Variants in ROR1 observed in about 807,000 individuals in gnomAD.
ROR1 encodes the protein inactive tyrosine-protein kinase transmembrane receptor ROR1.
Under a neutral mutation model 78.8 loss-of-function variants are expected in ROR1, and 19 were observed. The ratio of observed to expected loss-of-function variants is 0.24; its 90% CI spans 0.17 to 0.35. ROR1 has a LOEUF of 0.35. Among genes scored for constraint, ROR1 ranks in the 10% least tolerant of loss-of-function variants. ROR1 has a pLI of 1.00. For missense variants in ROR1, 917 were observed against 1,177.8 expected (o/e 0.78, Z 3.24); for synonymous variants, 386 against 433.6 (o/e 0.89, Z 1.36).
At chr1:64,059,496 G>T (rs772577114) in intron 4 of ROR1, among the ~76,000 whole-genome samples, 11 of 152,120 alleles carry the variant, frequency 7.2e-5, no homozygotes, top group Non-Finnish European at 1.3e-4. Flanking sequence ...GGATCATGAA[G>T]TCAGGAGTTC....
intron 4 of ROR1, 25 bp downstream of exon 4, chr1:64,050,741 G>A: frequency 5.0e-6 from 8 of 1,611,046 alleles, no homozygotes; most frequent in Non-Finnish European, 6.8e-6. Flanking sequence ...CTCCTTTCTT[G>A]TCATTTCTAA....
At chr1:63,788,638 A>T (rs1365907723) in intron 1 of ROR1, 8 of 175,458 alleles carry the variant, frequency 4.6e-5, no homozygotes, top group South Asian at 1.5e-4. Context: ...ATATATATAT[A>T]TTTTAAGGCT....
intron 1 of ROR1, among the ~76,000 whole-genome samples, chr1:63,917,895 T>C (rs1645621423): frequency 1.3e-5 from 2 of 152,132 alleles, no homozygotes; most frequent in South Asian, 4.2e-4. Context: ...AATGGCTGTC[T>C]TGGGATTATC....
intron 4 of ROR1, among the ~76,000 whole-genome samples, chr1:64,102,103 G>A (rs1647573612): frequency 6.6e-6 from 1 of 152,148 alleles, no homozygotes; most frequent in South Asian, 2.1e-4. Flanking sequence ...TAGGGCTGGG[G>A]AGAGGTCTGG....
At chr1:63,843,496 C>T (rs913024143) in intron 1 of ROR1, 13 of 758,260 alleles carry the variant, frequency 1.7e-5, no homozygotes, top group East Asian at 3.2e-5. Flanking sequence ...TAGGGGTCGT[C>T]GATGGTCTGG....
At chr1:64,075,609 C>A (rs1174904782) in intron 4 of ROR1, among the ~76,000 whole-genome samples, 1 of 152,184 alleles carries the variant, frequency 6.6e-6, no homozygotes, top group Non-Finnish European at 1.5e-5. Context: ...TATGCAGTTG[C>A]ATCCTTATTT....
chr1:63,829,344 T>C (rs1644972837), intron 1 of ROR1, among the ~76,000 whole-genome samples: 1 of 152,244 alleles, frequency 6.6e-6, no homozygotes, highest in South Asian at 2.1e-4. Flanking sequence ...AGCTTAATAA[T>C]TGGACAAATA....
intron 1 of ROR1, among the ~76,000 whole-genome samples, chr1:63,998,000 T>G (rs906335430): frequency 6.6e-6 from 1 of 152,136 alleles, no homozygotes; most frequent in South Asian, 2.1e-4. Context: ...GAACTGAGTC[T>G]TAGAGGTATG....
intron 1 of ROR1, among the ~76,000 whole-genome samples, chr1:63,787,823 G>A (rs1644701258): frequency 6.6e-6 from 1 of 152,210 alleles, no homozygotes; most frequent in Non-Finnish European, 1.5e-5. Flanking sequence ...ACTGCACCCG[G>A]CCTATCGCCC....
intron 4 of ROR1, among the ~76,000 whole-genome samples, chr1:64,052,845 A>G (rs1227618445): frequency 6.6e-6 from 1 of 150,850 alleles, no homozygotes; most frequent in South Asian, 2.1e-4. Context: ...GCATTTTGGT[A>G]CCTTTTTTTT....
chr1:64,005,621 A>G (rs1229641553), intron 1 of ROR1, among the ~76,000 whole-genome samples: 1 of 152,182 alleles, frequency 6.6e-6, no homozygotes, highest in Non-Finnish European at 1.5e-5. Context: ...ACTGGTGGCC[A>G]TGGAATTGAT....
chr1:63,833,238 C>G (rs745919110), intron 1 of ROR1, among the ~76,000 whole-genome samples: 3 of 152,116 alleles, frequency 2.0e-5, no homozygotes, highest in Non-Finnish European at 2.9e-5. Flanking sequence ...TGGGTTGGGG[C>G]AGGGATCCCT....
intron 1 of ROR1, among the ~76,000 whole-genome samples, chr1:63,806,316 ATT>A (rs370972368): frequency 4.8e-4 from 42 of 87,228 alleles, no homozygotes; most frequent in South Asian, 3.9e-3. Flanking sequence ...CTGTCAGACT[ATT>A]TTTTTTTTTT....
chr1:64,033,113 T>C (rs1646674432), intron 2 of ROR1, among the ~76,000 whole-genome samples: 1 of 152,206 alleles, frequency 6.6e-6, no homozygotes, highest in Non-Finnish European at 1.5e-5. Flanking sequence ...TAATTAAAAT[T>C]GTACGTTTTG....
chr1:64,099,599 T>C (rs928726025), intron 4 of ROR1, among the ~76,000 whole-genome samples: 1 of 152,080 alleles, frequency 6.6e-6, no homozygotes, highest in Non-Finnish European at 1.5e-5. Context: ...GAAATAATGA[T>C]AAAAATAAAT....
intron 1 of ROR1, among the ~76,000 whole-genome samples, chr1:63,982,418 A>G (rs1339128473): frequency 6.6e-6 from 1 of 152,246 alleles, no homozygotes; most frequent in Non-Finnish European, 1.5e-5. Context: ...ACGGGCCTAC[A>G]AAAACACTGC....
chr1:63,895,727 C>T (rs918555532), intron 1 of ROR1, among the ~76,000 whole-genome samples: 1 of 152,120 alleles, frequency 6.6e-6, no homozygotes, highest in Non-Finnish European at 1.5e-5. Context: ...GATCATTAAC[C>T]GTGAACATTT....
intron 4 of ROR1, among the ~76,000 whole-genome samples, chr1:64,092,111 CCCTCCCTCCCTT>C (rs1313091570): frequency 7.1e-6 from 1 of 141,340 alleles, no homozygotes; most frequent in African/African-American, 2.6e-5. Context: ...CTCCCTCCCT[CCCTCCCTCCCTT>C]CCTCCCTGCA....
chr1:64,171,557 A>C (rs1188780102), intron 8 of ROR1, among the ~76,000 whole-genome samples: 2 of 152,210 alleles, frequency 1.3e-5, no homozygotes, highest in African/African-American at 4.8e-5. Flanking sequence ...GCTTCAAAAG[A>C]ATAGCATAGA....
Sources: allele counts gnomAD v4.1 joint callset (sites outside exome capture counted in the v4.1 genomes callset), GRCh38; gene constraint gnomAD v4.1.1; transcripts MANE v1.5; gene names NCBI Gene and HGNC (gene_info 2026-07-23, HGNC 2026-07-21).